Variants in ACADL observed in about 807,000 individuals in gnomAD.
ACADL encodes acyl-CoA dehydrogenase long chain.
ACADL carries 60 observed loss-of-function variants against 56.9 expected under a neutral mutation model. That is an observed-to-expected ratio of 1.05 (90% CI 0.86 to 1.31). The LOEUF (loss-of-function observed/expected upper bound fraction) is 1.31. Ranked by LOEUF, ACADL falls within the 50% of genes most tolerant of loss-of-function variation. The probability of loss-of-function intolerance (pLI) is 0.00; values close to 1 mark genes in which losing one functional copy is unlikely to be tolerated. For missense variants in ACADL, 484 were observed against 525.5 expected, an observed-to-expected ratio of 0.92 and a Z score of 0.77; for synonymous variants, 158 against 179.7, an observed-to-expected ratio of 0.88 and a Z score of 0.97.
chr2:210,223,534 C>T (rs546300785), intron 1 of ACADL, among the ~76,000 whole-genome samples: 1 of 152,252 alleles, frequency 6.6e-6, no homozygotes, highest in Admixed American at 6.5e-5. Context: ...AAAGCTGTTA[C>T]AACAAAACTG....
chr2:210,224,392 A>G, intron 1 of ACADL: 1 of 985,312 alleles, frequency 1.0e-6, no homozygotes, highest in Non-Finnish European at 1.2e-6. Context: ...AAATTAGAGT[A>G]GCTTACACCA....
chr2:210,225,175 G>A lies in ACADL; in HGVS notation c.77+12C>T, dbSNP rs761462086. ...CCGGCCTGCAGCCGCGGAAGTCCCGGCTGGCACTCACCGCGCGGCGGGCAG... is the reference window on the plus strand; with the variant it reads ...CCGGCCTGCAGCCGCGGAAGTCCCGACTGGCACTCACCGCGCGGCGGGCAG... On this transcript the variant is annotated intron_variant, in intron 1 of 10. Transcript: ENST00000233710. 2 of 1,530,324 alleles carry A rather than the reference G, an allele frequency of 1.3e-6. No individual in the cohort carries two copies. The highest frequency in any genetic ancestry group is 3.9e-5 in the Admixed American group (2 of 50,714). The allele number at this position is 1,530,324 out of a possible 1,614,324, so 94.8% of individuals were successfully genotyped here.
At position 210,224,931 on chromosome 2, in the gene ACADL, G is replaced by C. The variant is rs1689243542; in HGVS notation, c.77+256C>G. 3 of 1,325,388 alleles carry C rather than the reference G, an allele frequency of 2.3e-6. No individual in the cohort carries two copies. In the East Asian group the frequency reaches 1.0e-4, roughly 45 times the overall value. 82.1% of individuals were successfully genotyped at this position (1,325,388 alleles called of 1,614,324 possible). A position where few individuals can be genotyped will look rare whatever the true frequency, so the allele number is the denominator to read the frequency against. ...GAATGAACTTCTGGAGAAATCTTTC[G>C]GCTTTCCCCGACGTGGGCTCGGCGG... On this transcript the variant is annotated intron_variant, in intron 1 of 10. Coordinates refer to ENST00000233710, the MANE Select transcript of ACADL (RefSeq NM_001608.4).
chr2:210,215,581 G>T (rs561711871), intron 4 of ACADL, among the ~76,000 whole-genome samples: 2 of 152,142 alleles, frequency 1.3e-5, no homozygotes, highest in African/African-American at 2.4e-5. Context: ...TCCTCTTGAG[G>T]ATCAGGTCCC....
intron 1 of ACADL, chr2:210,224,903 C>G: frequency 8.0e-7 from 1 of 1,257,598 alleles, no homozygotes; most frequent in Non-Finnish European, 1.0e-6. Flanking sequence ...GATTGGGGCT[C>G]CGGAATGAAC....
At chr2:210,214,104 T>C (rs1689033524) in intron 4 of ACADL, among the ~76,000 whole-genome samples, 2 of 152,172 alleles carry the variant, frequency 1.3e-5, no homozygotes, top group South Asian at 4.1e-4. Context: ...TTATATATAA[T>C]GAAGCTTTCC....
At position 210,188,992 on chromosome 2, in the gene ACADL, A is replaced by G; in HGVS notation, c.1262T>C (p.Leu421Pro). 1.9e-6 allele frequency: 3 copies of G among 1,613,460 alleles called. No individual in the cohort carries two copies. Among genetic ancestry groups the G allele is most frequent in the Non-Finnish European group, 2.5e-6 (3 of 1,179,542 alleles). The change falls in exon 11 of 11, where the codon CTG becomes CCG. Residue 421 changes from leucine (L) to proline (P), a missense_variant. By Grantham distance (98) the Leu-to-Pro change is moderately conservative. Transcript: ENST00000233710. ...YGGTNEIMKE[L>P]IAREIVFDK ...GTCAAAGACAATCTCTCTTGCAATC[A>G]GCTCCTTCATTATTTCATTTGTACC...
chr2:210,199,181 C>T (rs1688756228), intron 8 of ACADL, among the ~76,000 whole-genome samples: 1 of 152,016 alleles, frequency 6.6e-6, no homozygotes, highest in Admixed American at 6.6e-5. Context: ...TGTACAGTAT[C>T]GGTTATTCAT....
Position 210,220,654 on chromosome 2 carries a change from G to A in ACADL, c.226C>T (p.His76Tyr), listed in dbSNP as rs1286888738. 11 of 1,613,074 alleles carry A rather than the reference G, an allele frequency of 6.8e-6. No homozygotes were observed. Among genetic ancestry groups the A allele is most frequent in the Non-Finnish European group, 8.5e-6 (10 of 1,179,536 alleles). ...KFFQEEVIPHHSEWEKAGEVS... is the reference protein window; with the variant it reads ...KFFQEEVIPHYSEWEKAGEVS... ...GGAAAATGTGCCACTTACTCTGAGT[G>A]ATGAGGAATCACTTCTTCTTGGAAA... Residue 76 changes from histidine to tyrosine, a missense_variant, in exon 2 of 11, where the codon CAC becomes TAC. By Grantham distance (83) the His-to-Tyr change is moderately conservative (BLOSUM62 2). Transcript: ENST00000233710.
At chr2:210,224,368 A>G in intron 1 of ACADL, 1 of 985,012 alleles carries the variant, frequency 1.0e-6, no homozygotes, top group African/African-American at 1.7e-5. Flanking sequence ...ATTTTGTTTC[A>G]TAGCTCTCAA....
At chr2:210,195,448 A>T in intron 8 of ACADL, 110 bp from the exon 9 acceptor site, 1 of 1,214,202 alleles carries the variant, frequency 8.2e-7, no homozygotes, top group Non-Finnish European at 1.2e-6. Flanking sequence ...GGCAAACAAA[A>T]GTGGAATTGT....
intron 5 of ACADL, among the ~76,000 whole-genome samples, chr2:210,206,053 T>C (rs1161289932): frequency 3.3e-5 from 5 of 152,084 alleles, no homozygotes; most frequent in Admixed American, 1.3e-4. Flanking sequence ...TACATAATAA[T>C]AATAAACAGA....
At chr2:210,210,349 A>T in intron 4 of ACADL, 87 bp from the exon 5 acceptor site, 2 of 1,006,946 alleles carry the variant, frequency 2.0e-6, no homozygotes, top group Non-Finnish European at 3.0e-6. Flanking sequence ...AAATTAGATT[A>T]TTCAAACTGG....
intron 8 of ACADL, among the ~76,000 whole-genome samples, chr2:210,196,593 C>A (rs1688714190): frequency 6.6e-6 from 1 of 152,168 alleles, no homozygotes; most frequent in Non-Finnish European, 1.5e-5. Flanking sequence ...TTGGCACTGA[C>A]TCTTGAGCCT....
intron 2 of ACADL, among the ~76,000 whole-genome samples, chr2:210,220,025 T>C (rs545685842): frequency 1.3e-5 from 2 of 152,198 alleles, no homozygotes; most frequent in East Asian, 3.9e-4. Flanking sequence ...TAATTTCTGC[T>C]TCTAACATAA....
At chr2:210,195,121 C>T in intron 9 of ACADL, 90 bp downstream of exon 9, 1 of 1,541,562 alleles carries the variant, frequency 6.5e-7, no homozygotes. Context: ...AGATTTCTTC[C>T]TTTAAGACCC....
intron 10 of ACADL, among the ~76,000 whole-genome samples, chr2:210,191,130 C>G (rs1477556831): frequency 1.3e-5 from 2 of 152,048 alleles, no homozygotes; most frequent in Non-Finnish European, 2.9e-5. Context: ...CCAGGCTGGT[C>G]TTGAACTCTT....
rs1242242620 is a variant in ACADL, at chr2:210,218,085, TCTC to T, written c.248_250del (p.Gly83del). On this transcript the variant is annotated inframe_deletion, in exon 3 of 11. Transcript: ENST00000233710. ...TTTTTCCCAAACCTCCCTACTTACT[TCTC>T]CAGCTTTCTCCCATCTGCAAATAAC... is the stretch of plus-strand genomic sequence containing the variant. The T allele has an allele frequency of 6.2e-7, 1 of 1,613,832 alleles. No homozygotes were observed.
chr2:210,216,537 T>C, intron 3 of ACADL, 26 bp from the exon 4 acceptor site: 1 of 1,602,256 alleles, frequency 6.2e-7, no homozygotes, highest in African/African-American at 1.3e-5. Flanking sequence ...GAAGAAAAAT[T>C]AGAGCATAAA....
Sources: allele counts gnomAD v4.1 joint callset (sites outside exome capture counted in the v4.1 genomes callset), GRCh38; gene constraint gnomAD v4.1.1; transcripts MANE v1.5; gene names NCBI Gene and HGNC (gene_info 2026-07-23, HGNC 2026-07-21).